The following INTS13 variants were observed in gnomAD, a reference collection of about 807,000 sequenced individuals.
INTS13 encodes the protein asunder, spermatogenesis regulator homolog (Drosphila).
A neutral mutation model predicts 90.2 loss-of-function variants in INTS13; 35 were observed. The observed-to-expected ratio is 0.39, with a 90% CI of 0.30 to 0.51. The LOEUF (loss-of-function observed/expected upper bound fraction) is 0.51. Among genes scored for constraint, INTS13 ranks in the 20% least tolerant of loss-of-function variants. The pLI, the probability that INTS13 is intolerant of heterozygous loss-of-function variation, is 0.80. For synonymous variants in INTS13, 309 were observed against 277.1 expected, an observed-to-expected ratio of 1.11 and a Z score of -1.14; for missense variants, 601 against 851.2, an observed-to-expected ratio of 0.71 and a Z score of 3.66.
Position 26,928,194 on chromosome 12 carries a change from A to G in INTS13, c.584+11T>C. 6.3e-7 allele frequency: 1 copy of G among 1,583,014 alleles called. No individual in the cohort carries two copies. ...ATGAACATATTTATTTCATTTATGA[A>G]TTATACTCACTGATCTGAATTTGCA... On this transcript the variant is annotated intron_variant, in intron 5 of 16. Transcript: ENST00000261191.
rs188250775 is a variant in INTS13, at chr12:26,927,364, T to C, written c.584+841A>G. On this transcript the variant is annotated intron_variant, in intron 5 of 16. Coordinates refer to ENST00000261191, the MANE Select transcript of INTS13 (RefSeq NM_018164.3). ...GTATTAACTCCAAGGATTGTCATAA[T>C]TGAATTGTAGGACACACAGTTGGTA... is the stretch of plus-strand genomic sequence containing the variant. Among the ~76,000 whole-genome samples the C allele has an allele frequency of 4.6e-5, 7 of 152,316 alleles. No individual in the cohort carries two copies. In the South Asian group the frequency reaches 8.3e-4, roughly 18 times the overall value.
chr12:26,924,538 T>C, intron 6 of INTS13, 55 bp from the exon 7 acceptor site: 1 of 1,515,178 alleles, frequency 6.6e-7, no homozygotes, highest in Non-Finnish European at 9.0e-7. Flanking sequence ...CATTGTGACC[T>C]ACTGCTAAAT....
At chr12:26,936,957 G>C in intron 1 of INTS13, 143 bp from the exon 2 acceptor site, 1 of 633,568 alleles carries the variant, frequency 1.6e-6, no homozygotes, top group South Asian at 2.0e-5. Flanking sequence ...GTCCGACAAA[G>C]GACAGTTTAA....
Position 26,914,444 on chromosome 12 carries a change from C to T in INTS13, c.1383G>A (p.Met461Ile). 2 of 1,613,814 alleles carry T rather than the reference C, an allele frequency of 1.2e-6. No individual in the cohort carries two copies. The highest frequency in any genetic ancestry group is 1.7e-6 in the Non-Finnish European group (2 of 1,179,898). Residue 461 changes from methionine (M) to isoleucine (I), a missense_variant, in exon 12 of 17, where the codon ATG becomes ATA. Around this residue, in one of 3 missense-constraint regions of INTS13, gnomAD observed 89 missense variants for 191.0 expected, o/e 0.47. Transcript: ENST00000261191. ...QLEKHTRYWP[M>I]IISQTTIFNM... ...TAAAAATGGTGGTTTGTGAAATGAT[C>T]ATAGGCCAGTAACGGGTATGTTTTT...
Position 26,917,417 on chromosome 12 carries a change from T to A in INTS13, c.1004A>T (p.Tyr335Phe), listed in dbSNP as rs747128789. The change falls in exon 10 of 17, where the codon TAT becomes TTT. Residue 335 changes from tyrosine (Y) to phenylalanine (F), a missense_variant. Transcript: ENST00000261191. ...ATTTACATCTACAGGTGAAATCCGA[T>A]AAGCTCCAGTACAATAGTGTAATTC... is the stretch of plus-strand genomic sequence containing the variant. ...NIELHYCTGA[Y>F]RISPVDVNSR... 6.4e-7 allele frequency: 1 copy of A among 1,565,884 alleles called. No individual in the cohort carries two copies. The highest frequency in any genetic ancestry group is 8.7e-7 in the Non-Finnish European group (1 of 1,146,442).
chr12:26,935,794 C>T (rs1938428648), intron 2 of INTS13, among the ~76,000 whole-genome samples: 1 of 152,216 alleles, frequency 6.6e-6, no homozygotes, highest in South Asian at 2.1e-4. Context: ...CTTTACTCTA[C>T]TGCCCTACCT....
intron 15 of INTS13, among the ~76,000 whole-genome samples, chr12:26,907,021 A>G (rs759473656): frequency 2.0e-5 from 3 of 152,214 alleles, no homozygotes; most frequent in African/African-American, 7.2e-5. Context: ...TATCTAGGCA[A>G]TATCTCAAAA....
chr12:26,934,768 T>G, intron 2 of INTS13, 138 bp from the exon 3 acceptor site: 1 of 735,034 alleles, frequency 1.4e-6, no homozygotes, highest in Admixed American at 2.3e-5. Flanking sequence ...GAATGTGTAG[T>G]ATATGCCAGG....
rs113257336 is a variant in INTS13, at chr12:26,914,194, C to A, written c.1420-66G>T. The A allele has an allele frequency of 2.3e-3, 3,198 of 1,408,038 alleles. 50 individuals are homozygous for A. In the African/African-American group the frequency reaches 0.04, roughly 18 times the overall value. 87.2% of individuals were successfully genotyped at this position (1,408,038 alleles called of 1,614,324 possible). On this transcript the variant is annotated intron_variant, in intron 12 of 16. Coordinates refer to ENST00000261191, the MANE Select transcript of INTS13 (RefSeq NM_018164.3). ...AAAAATAAATATCAAAACATCTAGG[C>A]AGAACTTGATTTTCGAAAGGATTTT...
chr12:26,929,705 AAGAAAGAC>A (rs1275964778), intron 3 of INTS13, among the ~76,000 whole-genome samples: 94 of 152,094 alleles, frequency 6.2e-4, no homozygotes, highest in Non-Finnish European at 8.8e-4. Flanking sequence ...AAACAGAGAC[AAGAAAGAC>A]AGAAAGACAG....
Position 26,928,753 on chromosome 12 carries a change from T to C in INTS13, c.453A>G (p.Ala151=). 6.2e-7 allele frequency: 1 copy of C among 1,614,180 alleles called. No homozygotes were observed. Among genetic ancestry groups the C allele is most frequent in the South Asian group, 1.1e-5 (1 of 91,090 alleles). ...HEARTLLMEN[A]ERVGNRGRII... ...TTCGTCCTCTATTTCCAACACGTTC[T>C]GCATTCTCCATGAGTAGAGTACGAG... The change falls in exon 4 of 17, where the codon GCA becomes GCG. Residue 151 remains alanine, a synonymous_variant. Coordinates refer to ENST00000261191, the MANE Select transcript of INTS13 (RefSeq NM_018164.3).
At chr12:26,905,673 C>A in intron 16 of INTS13, 137 bp from the exon 17 acceptor site, 1 of 829,058 alleles carries the variant, frequency 1.2e-6, no homozygotes, top group Non-Finnish European at 1.8e-6. Context: ...GGACTAACAT[C>A]AGGGTTCCTC....
chr12:26,937,361 A>C (rs1180592262), intron 1 of INTS13, among the ~76,000 whole-genome samples: 2 of 152,196 alleles, frequency 1.3e-5, no homozygotes, highest in Admixed American at 6.5e-5. Context: ...ACCGCACATC[A>C]GGTCTTCGCC....
At chr12:26,908,231 T>G (rs1951668591) in intron 15 of INTS13, among the ~76,000 whole-genome samples, 1 of 152,164 alleles carries the variant, frequency 6.6e-6, no homozygotes, top group Non-Finnish European at 1.5e-5. Flanking sequence ...GAGTGAAAGA[T>G]GACTACAAAG....
intron 3 of INTS13, among the ~76,000 whole-genome samples, chr12:26,932,506 C>G (rs1016481164): frequency 1.3e-5 from 2 of 152,176 alleles, no homozygotes; most frequent in Non-Finnish European, 2.9e-5. Flanking sequence ...TTTGGAAGAA[C>G]TGAAACTGAA....
intron 5 of INTS13, among the ~76,000 whole-genome samples, chr12:26,927,050 C>A (rs1937915065): frequency 6.6e-6 from 1 of 152,210 alleles, no homozygotes; most frequent in Non-Finnish European, 1.5e-5. Context: ...GAGGGTGGTA[C>A]ACCCCAACTC....
intron 3 of INTS13, among the ~76,000 whole-genome samples, chr12:26,932,017 G>A (rs1283213887): frequency 6.6e-6 from 1 of 150,620 alleles, no homozygotes; most frequent in Non-Finnish European, 1.5e-5. Flanking sequence ...AACCTGGGAG[G>A]TGGAGGTTGC....
chr12:26,913,793 GT>G, intron 13 of INTS13, 106 bp from the exon 14 acceptor site: 4 of 1,167,228 alleles, frequency 3.4e-6, no homozygotes, highest in Non-Finnish European at 4.9e-6. Flanking sequence ...CTCTTACTTG[GT>G]ACTTAATAGT....
intron 3 of INTS13, among the ~76,000 whole-genome samples, chr12:26,933,331 C>T (rs1938299867): frequency 6.6e-6 from 1 of 152,072 alleles, no homozygotes. Flanking sequence ...TTTCCCTGTA[C>T]TGGAAAATAC....
Sources: gnomAD v4.1 joint callset for allele counts (sites outside exome capture counted in the v4.1 genomes callset) on GRCh38, gnomAD v4.1.1 for gene constraint, gnomAD v4.1.1 regional missense constraint, MANE v1.5 for transcripts, NCBI Gene and HGNC (gene_info 2026-07-23, HGNC 2026-07-21) for gene names.